Variants in SLCO5A1 observed in about 807,000 individuals in gnomAD.
SLCO5A1 encodes organic anion transporter polypeptide-related protein 4.
A neutral mutation model predicts 65.1 loss-of-function variants in SLCO5A1; 39 were observed. That is an observed-to-expected ratio of 0.60 (90% CI 0.46 to 0.78). SLCO5A1 has a LOEUF of 0.78. Ranked by LOEUF, SLCO5A1 falls within the 30% of genes least tolerant of loss-of-function variation. The pLI is 0.00. For synonymous variants in SLCO5A1, 438 were observed against 415.7 expected, an observed-to-expected ratio of 1.05 and a Z score of -0.65; for missense variants, 1,029 against 1,069.4, an observed-to-expected ratio of 0.96 and a Z score of 0.53.
At chr8:69,762,390 G>A (rs1012450859) in intron 2 of SLCO5A1, among the ~76,000 whole-genome samples, 2 of 151,972 alleles carry the variant, frequency 1.3e-5, no homozygotes, top group African/African-American at 2.4e-5. Flanking sequence ...GTTTCACCAT[G>A]TCAGCCAGGA....
chr8:69,730,340 A>C (rs1341994046), intron 5 of SLCO5A1, among the ~76,000 whole-genome samples: 1 of 152,254 alleles, frequency 6.6e-6, no homozygotes, highest in African/African-American at 2.4e-5. Flanking sequence ...CCTTTTAAGA[A>C]AACAATATAA....
intron 2 of SLCO5A1, among the ~76,000 whole-genome samples, chr8:69,809,132 A>G (rs565041102): frequency 4.3e-4 from 66 of 152,262 alleles, no homozygotes; most frequent in African/African-American, 1.6e-3. Context: ...AGAATTCATA[A>G]TAAAGCAAAA....
At chr8:69,784,971 AAGAG>A (rs200165438) in intron 2 of SLCO5A1, among the ~76,000 whole-genome samples, 5 of 150,716 alleles carry the variant, frequency 3.3e-5, no homozygotes, top group Non-Finnish European at 5.9e-5. Context: ...GGAAGAAAGA[AAGAG>A]AAAGAAAGAA....
intron 6 of SLCO5A1, among the ~76,000 whole-genome samples, chr8:69,703,300 C>G (rs370837274): frequency 2.8e-4 from 42 of 152,234 alleles, no homozygotes; most frequent in Middle Eastern, 6.8e-3. Flanking sequence ...TATTCAATCT[C>G]ACTTCTGAGA....
chr8:69,771,934 C>G (rs951780461), intron 2 of SLCO5A1, among the ~76,000 whole-genome samples: 1 of 152,198 alleles, frequency 6.6e-6, no homozygotes, highest in African/African-American at 2.4e-5. Context: ...TTATTCAGCT[C>G]CAGCCTGGCC....
intron 4 of SLCO5A1, among the ~76,000 whole-genome samples, chr8:69,754,781 A>G (rs1357899708): frequency 6.6e-6 from 1 of 152,182 alleles, no homozygotes; most frequent in Non-Finnish European, 1.5e-5. Context: ...ATAAAAATGA[A>G]AAAAAATAAA....
At chr8:69,681,343 C>G (rs1813753035) in intron 7 of SLCO5A1, among the ~76,000 whole-genome samples, 1 of 152,298 alleles carries the variant, frequency 6.6e-6, no homozygotes, top group Admixed American at 6.5e-5. Context: ...CCTGTAATCC[C>G]AGCACTTTGG....
intron 2 of SLCO5A1, among the ~76,000 whole-genome samples, chr8:69,796,132 C>A (rs1819486561): frequency 6.6e-6 from 1 of 152,214 alleles, no homozygotes; most frequent in African/African-American, 2.4e-5. Flanking sequence ...TCATGAAGGT[C>A]TCTGAAGTGC....
chr8:69,763,772 G>A (rs1817920843), intron 2 of SLCO5A1, among the ~76,000 whole-genome samples: 1 of 150,536 alleles, frequency 6.6e-6, no homozygotes, highest in South Asian at 2.1e-4. Flanking sequence ...AAAATTTTAA[G>A]ATAGGATATG....
intron 4 of SLCO5A1, among the ~76,000 whole-genome samples, chr8:69,752,018 TC>T (rs2130855892): frequency 6.6e-6 from 1 of 152,258 alleles, no homozygotes; most frequent in African/African-American, 2.4e-5. Flanking sequence ...ATCCCTTGGG[TC>T]CAGGAGTTCT....
At chr8:69,735,527 G>T (rs533312442) in intron 5 of SLCO5A1, among the ~76,000 whole-genome samples, 1 of 152,296 alleles carries the variant, frequency 6.6e-6, no homozygotes, top group Admixed American at 6.5e-5. Context: ...CAGGGGCATG[G>T]ATGGAACTTG....
At chr8:69,739,385 C>G (rs895668283) in intron 4 of SLCO5A1, among the ~76,000 whole-genome samples, 3 of 152,050 alleles carry the variant, frequency 2.0e-5, no homozygotes, top group Admixed American at 6.6e-5. Context: ...TCTTAAACAT[C>G]TGGGAAAAAT....
In SLCO5A1 at chr8:69,762,124, TTC is replaced by T. The variant is rs1289330078; in HGVS notation, c.908-251_908-250del. On this transcript the variant is annotated intron_variant, in intron 2 of 9. Transcript: ENST00000260126. ...TTTGGTGGCTTTTGTTTTGTTTTCT[TTC>T]TTTCTTTCTTTCTTTCTTTCTTTCT... Among the ~76,000 whole-genome samples, 3 of 8,318 alleles carry T rather than the reference TTC, an allele frequency of 3.6e-4. No homozygotes were observed. In the East Asian group the frequency reaches 0.012, roughly 34 times the overall value. The allele number at this position is 8,318 out of a possible 152,430, so 5.5% of individuals were successfully genotyped here.
chr8:69,733,219 G>A (rs1816414191), intron 5 of SLCO5A1, among the ~76,000 whole-genome samples: 1 of 152,052 alleles, frequency 6.6e-6, no homozygotes, highest in Admixed American at 6.6e-5. Context: ...CAGATGTAAG[G>A]TGCTATCATC....
At chr8:69,712,652 C>T (rs981764233) in intron 5 of SLCO5A1, among the ~76,000 whole-genome samples, 5 of 152,118 alleles carry the variant, frequency 3.3e-5, no homozygotes, top group African/African-American at 1.2e-4. Context: ...AGCGCTAGCC[C>T]CTCTCATCAC....
intron 7 of SLCO5A1, 79 bp from the exon 8 acceptor site, chr8:69,679,698 TA>T: frequency 6.4e-7 from 1 of 1,551,542 alleles, no homozygotes; most frequent in Non-Finnish European, 8.7e-7. Flanking sequence ...CAAAGTTAAG[TA>T]AAAGTACTCT....
At position 69,755,532 on chromosome 8, in the gene SLCO5A1, A is replaced by G; in HGVS notation, c.1150T>C (p.Phe384Leu). Reference protein sequence around the residue: ...PRHKKKKKKKFSVDAVSDDDV... With the variant: ...PRHKKKKKKKLSVDAVSDDDV... ...TCATCACTAACAGCATCAACAGAAA[A>G]TTTTTTCTTTTTCTTTTTCTTGTGT... The change falls in exon 4 of 10, where the codon TTT (phenylalanine) becomes CTT (leucine). Residue 384 changes from phenylalanine (F) to leucine (L), a missense_variant. Physicochemically the swap from Phe to Leu is conservative, Grantham distance 22. Transcript: ENST00000260126. 1 of 1,613,872 alleles carries G rather than the reference A, an allele frequency of 6.2e-7. No individual in the cohort carries two copies. Among genetic ancestry groups the G allele is most frequent in the South Asian group, 1.1e-5 (1 of 91,058 alleles).
intron 2 of SLCO5A1, among the ~76,000 whole-genome samples, chr8:69,822,413 C>A (rs888383187): frequency 2.0e-5 from 3 of 152,144 alleles, no homozygotes; most frequent in African/African-American, 7.2e-5. Context: ...AACCTTGAGT[C>A]CTGAGAAAAT....
chr8:69,712,388 A>T (rs1486672114), intron 5 of SLCO5A1, among the ~76,000 whole-genome samples: 2 of 152,210 alleles, frequency 1.3e-5, no homozygotes, highest in Non-Finnish European at 2.9e-5. Flanking sequence ...ATATTTATTT[A>T]ATTACCAAAT....
Sources: allele counts gnomAD v4.1 joint callset (sites outside exome capture counted in the v4.1 genomes callset), GRCh38; gene constraint gnomAD v4.1.1; transcripts MANE v1.5; gene names NCBI Gene and HGNC (gene_info 2026-07-23, HGNC 2026-07-21).